LRBA: variants seen among roughly 807,000 people sequenced by gnomAD.
LRBA encodes lipopolysaccharide-responsive and beige-like anchor protein.
In LRBA, 176 loss-of-function variants were observed where a neutral mutation model predicts 330.0. That is an observed-to-expected ratio of 0.53 (90% CI 0.47 to 0.60). The LOEUF (loss-of-function observed/expected upper bound fraction) is 0.60. Ranked by LOEUF, LRBA falls within the 20% of genes least tolerant of loss-of-function variation. LRBA has a pLI of 0.00. For missense variants in LRBA, 3,259 were observed against 3,444.8 expected (o/e 0.95, Z 1.35); for synonymous variants, 1,230 against 1,193.0 (o/e 1.03, Z -0.64).
intron 40 of LRBA, among the ~76,000 whole-genome samples, chr4:150,505,749 A>G (rs1387448813): frequency 6.6e-6 from 1 of 152,230 alleles, no homozygotes; most frequent in Non-Finnish European, 1.5e-5. Flanking sequence ...ACTGAAGGAA[A>G]TAGAGACACA....
rs148537581 is a variant in LRBA, at chr4:150,583,686, C to A, written c.6330+4362G>T. The A allele has an allele frequency of 2.7e-5, 44 of 1,613,586 alleles. No homozygotes were observed. Among genetic ancestry groups the A allele is most frequent in the African/African-American group, 1.9e-4 (14 of 74,910 alleles). ...TCTCGAAGGAGTGCTACTCGCTGAC[C>A]GGCAAGCAGAGCTCGGCAGAGAGCG... is the stretch of plus-strand genomic sequence containing the variant. On this transcript the variant is annotated intron_variant, in intron 40 of 56. Transcript: ENST00000651943. The surrounding 1 kb of genome is among the most constrained non-coding windows in gnomAD (Gnocchi z 9.8).
intron 37 of LRBA, among the ~76,000 whole-genome samples, chr4:150,639,817 GTGTA>G (rs1561458002): frequency 0.011 from 60 of 5,362 alleles, 2 homozygotes; most frequent in African/African-American, 0.027. Context: ...GTGTGTGTGT[GTGTA>G]TATATATATA....
chr4:151,010,978 G>A (rs1385888462), intron 2 of LRBA, among the ~76,000 whole-genome samples: 1 of 151,784 alleles, frequency 6.6e-6, no homozygotes, highest in Non-Finnish European at 1.5e-5. Flanking sequence ...ACGAGGTCAG[G>A]AGATCGAGAC....
Position 150,350,077 on chromosome 4 carries a change from G to T in LRBA, c.7277C>A (p.Ala2426Asp). 6.2e-7 allele frequency: 1 copy of T among 1,611,240 alleles called. No individual in the cohort carries two copies. Among genetic ancestry groups the T allele is most frequent in the Non-Finnish European group, 8.5e-7 (1 of 1,179,034 alleles). ...IFGYKQQGPE[A>D]VRALNVFYYL... ...ATAGAACACATTGAGGGCTCGGACA[G>T]CTTCTGGTCCTTGCTGTTTATAGCC... Residue 2426 changes from alanine to aspartate, a missense_variant, in exon 48 of 57, where the codon GCT becomes GAT. Physicochemically the swap from Ala to Asp is moderately radical, Grantham distance 126. Coordinates refer to ENST00000651943, the MANE Select transcript of LRBA (RefSeq NM_001364905.1).
intron 47 of LRBA, among the ~76,000 whole-genome samples, chr4:150,374,104 C>T (rs2151872287): frequency 6.6e-6 from 1 of 152,280 alleles, no homozygotes; most frequent in Non-Finnish European, 1.5e-5. Flanking sequence ...TCCTTGAAAT[C>T]TAGATTTTAC....
Position 150,709,527 on chromosome 4 carries a change from T to C in LRBA, c.5754+25731A>G, listed in dbSNP as rs72736402. On this transcript the variant is annotated intron_variant, in intron 36 of 56. Transcript: ENST00000651943. ...CTCATGCATAATCCATTTGTTTCCATAGAGAACCATCCTTACTACTTTTAA... is the reference window on the plus strand; with the variant it reads ...CTCATGCATAATCCATTTGTTTCCACAGAGAACCATCCTTACTACTTTTAA... Among the ~76,000 whole-genome samples the C allele has an allele frequency of 4.0e-3, 606 of 152,054 alleles. 2 individuals carry two copies. The highest frequency in any genetic ancestry group is 8.5e-3 in the African/African-American group (353 of 41,566).
At chr4:150,607,133 A>G (rs185650505) in intron 37 of LRBA, among the ~76,000 whole-genome samples, 2 of 152,328 alleles carry the variant, frequency 1.3e-5, no homozygotes, top group African/African-American at 4.8e-5. Context: ...AAGCTAAGGT[A>G]AAAAACATAG....
chr4:150,287,346 G>C (rs1188594434), intron 53 of LRBA, among the ~76,000 whole-genome samples: 1 of 152,186 alleles, frequency 6.6e-6, no homozygotes, highest in African/African-American at 2.4e-5. Context: ...TGGGTTATTT[G>C]AAATTTTATG....
chr4:150,387,096 C>A (rs1449535213), intron 47 of LRBA, among the ~76,000 whole-genome samples: 3 of 145,884 alleles, frequency 2.1e-5, no homozygotes, highest in Non-Finnish European at 3.1e-5. Context: ...GTCCTTTGCC[C>A]ACTTTTTAAT....
At chr4:150,995,909 G>T (rs1240587852) in intron 2 of LRBA, among the ~76,000 whole-genome samples, 1 of 152,042 alleles carries the variant, frequency 6.6e-6, no homozygotes, top group Non-Finnish European at 1.5e-5. Flanking sequence ...TCTCAAGTAG[G>T]TTCAGAAGGA....
At chr4:150,432,453 C>CCTTTTT (rs1276929990) in intron 46 of LRBA, among the ~76,000 whole-genome samples, 2 of 98,440 alleles carry the variant, frequency 2.0e-5, no homozygotes, top group Admixed American at 1.5e-4. Context: ...TAAGTGTGTT[C>CCTTTTT]TTTTTTTTTT....
At chr4:150,930,366 G>A (rs994834397) in intron 2 of LRBA, among the ~76,000 whole-genome samples, 6 of 151,828 alleles carry the variant, frequency 4.0e-5, no homozygotes, top group Admixed American at 6.6e-5. Flanking sequence ...GGTGGCATGT[G>A]CCTGTAGTCC....
intron 47 of LRBA, among the ~76,000 whole-genome samples, chr4:150,352,303 C>T (rs1581091837): frequency 2.6e-5 from 4 of 152,136 alleles, no homozygotes; most frequent in South Asian, 2.1e-4. Context: ...TGTAAAGATA[C>T]GCTTTATTAA....
chr4:150,905,364 AAG>A (rs1282177090), intron 13 of LRBA, among the ~76,000 whole-genome samples: 2 of 152,110 alleles, frequency 1.3e-5, no homozygotes, highest in South Asian at 2.1e-4. Flanking sequence ...TGAAGTAAAA[AAG>A]AGAGAGAGCA....
intron 47 of LRBA, among the ~76,000 whole-genome samples, chr4:150,390,711 A>G (rs529433027): frequency 2.6e-5 from 4 of 152,284 alleles, no homozygotes; most frequent in Admixed American, 2.6e-4. Flanking sequence ...TCCATTGCTG[A>G]GTAATCATTT....
Position 150,488,833 on chromosome 4 carries a change from A to G in LRBA, c.6449-999T>C, listed in dbSNP as rs976462651. ...CAACATGTTTCAGGTATTCAGGTAA[A>G]TAAGTAATCGATCATTCACTAAGCA... On this transcript the variant is annotated intron_variant, in intron 41 of 56. Coordinates refer to ENST00000651943, the MANE Select transcript of LRBA (RefSeq NM_001364905.1). Among the ~76,000 whole-genome samples, 16 of 141,308 alleles carry G rather than the reference A, an allele frequency of 1.1e-4. No homozygotes were observed. In the East Asian group the frequency reaches 2.4e-3, roughly 21 times the overall value. The allele number at this position is 141,308 out of a possible 152,430, so 92.7% of individuals were successfully genotyped here. A position where few individuals can be genotyped will look rare whatever the true frequency, so the allele number is the denominator to read the frequency against.
chr4:150,510,255 T>A (rs1446062007), intron 40 of LRBA, among the ~76,000 whole-genome samples: 1 of 152,086 alleles, frequency 6.6e-6, no homozygotes, highest in Non-Finnish European at 1.5e-5. Context: ...TCCCAAAAAG[T>A]AAACTCCAGG....
At chr4:150,601,646 A>G (rs997091167) in intron 37 of LRBA, among the ~76,000 whole-genome samples, 1 of 151,592 alleles carries the variant, frequency 6.6e-6, no homozygotes, top group Non-Finnish European at 1.5e-5. Flanking sequence ...TCTGCTAACT[A>G]TATATATATA....
At chr4:150,668,389 T>C (rs1416108914) in intron 37 of LRBA, among the ~76,000 whole-genome samples, 2 of 151,684 alleles carry the variant, frequency 1.3e-5, no homozygotes, top group Non-Finnish European at 2.9e-5. Context: ...TGATGTGGTG[T>C]TACCAAATCA....
Sources: gnomAD v4.1 joint callset for allele counts (sites outside exome capture counted in the v4.1 genomes callset) on GRCh38, gnomAD v4.1.1 for gene constraint, Gnocchi (gnomAD v3.1) non-coding constraint, MANE v1.5 for transcripts, NCBI Gene and HGNC (gene_info 2026-07-23, HGNC 2026-07-21) for gene names.